Variants in CRYBG1 observed in about 807,000 individuals in gnomAD.
CRYBG1 encodes crystallin beta-gamma domain containing 1.
In CRYBG1, 139 loss-of-function variants were observed where a neutral mutation model predicts 189.2. That is an observed-to-expected ratio of 0.73 (90% CI 0.64 to 0.85). The LOEUF (loss-of-function observed/expected upper bound fraction) is 0.85, where lower values mean the gene tolerates loss of function less well. Among genes scored for constraint, CRYBG1 ranks in the 40% least tolerant of loss-of-function variants. The pLI is 0.00. For synonymous variants in CRYBG1, 1,023 were observed against 1,017.1 expected (o/e 1.01, Z -0.11); for missense variants, 2,611 against 2,675.8 (o/e 0.98, Z 0.53).
intron 1 of CRYBG1, among the ~76,000 whole-genome samples, chr6:106,432,843 T>TC (rs11400144): frequency 0.034 from 5,035 of 146,424 alleles, 289 homozygotes; most frequent in African/African-American, 0.12. Flanking sequence ...TTTCTTTCTT[T>TC]TTTTTTTTTT....
chr6:106,433,755 ATGTG>A (rs1379167772), intron 1 of CRYBG1, among the ~76,000 whole-genome samples: 23,210 of 76,156 alleles, frequency 0.3, 4,026 homozygotes, highest in East Asian at 0.39. Context: ...GTATATATAT[ATGTG>A]TATATATATA....
At chr6:106,561,748 A>G (rs1774726278) in intron 20 of CRYBG1, among the ~76,000 whole-genome samples, 1 of 152,192 alleles carries the variant, frequency 6.6e-6, no homozygotes, top group Non-Finnish European at 1.5e-5. Context: ...TGATTTTTAT[A>G]TAGTAGTAGA....
At chr6:106,361,221 G>A (rs1212181791) in intron 1 of CRYBG1, 140 bp downstream of exon 1, 2 of 1,092,336 alleles carry the variant, frequency 1.8e-6, no homozygotes, top group Admixed American at 6.2e-5. Context: ...GGGTACCCGG[G>A]TCCGGAGGGG....
intron 8 of CRYBG1, among the ~76,000 whole-genome samples, chr6:106,533,347 A>G (rs2883077): frequency 0.68 from 104,144 of 152,180 alleles, 36,391 homozygotes; most frequent in South Asian, 0.84. Flanking sequence ...GATAGGGATA[A>G]GACAGGGCTC....
At chr6:106,417,400 A>G (rs1295382877) in intron 1 of CRYBG1, among the ~76,000 whole-genome samples, 2 of 152,112 alleles carry the variant, frequency 1.3e-5, no homozygotes, top group African/African-American at 4.8e-5. Flanking sequence ...TTTGCACCCT[A>G]CATGCCTCTC....
intron 1 of CRYBG1, among the ~76,000 whole-genome samples, chr6:106,420,961 A>G (rs1771111447): frequency 6.6e-6 from 1 of 152,200 alleles, no homozygotes; most frequent in Non-Finnish European, 1.5e-5. Flanking sequence ...ATGTGCCAAC[A>G]GAGCAGCGAG....
At chr6:106,391,927 ACGTGTGTGTGTGTGTG>A (rs1770512382) in intron 1 of CRYBG1, among the ~76,000 whole-genome samples, 1 of 130,100 alleles carries the variant, frequency 7.7e-6, no homozygotes, top group Admixed American at 7.7e-5. Flanking sequence ...GTTGTTTAAA[ACGTGTGTGTGTGTGTG>A]TGTGTGTGTG....
At position 106,559,649 on chromosome 6, in the gene CRYBG1, G is replaced by T. The variant is rs555169293; in HGVS notation, c.5855+1024G>T. ...AAAATACAAAAATTAGCCAGGTGTGGTGGTGGGGCCCCTGTAATCCCAGCT... is the reference window on the plus strand; with the variant it reads ...AAAATACAAAAATTAGCCAGGTGTGTTGGTGGGGCCCCTGTAATCCCAGCT... On this transcript the variant is annotated intron_variant, in intron 18 of 21. Transcript: ENST00000633556. Among the ~76,000 whole-genome samples, 594 of 152,218 alleles carry T rather than the reference G, an allele frequency of 3.9e-3. 5 individuals carry two copies. The highest frequency in any genetic ancestry group is 0.014 in the African/African-American group (575 of 41,524).
At position 106,564,013 on chromosome 6, in the gene CRYBG1, G is replaced by A. The variant is rs150648659; in HGVS notation, c.6301+87G>A. On this transcript the variant is annotated intron_variant, in intron 21 of 21. Transcript: ENST00000633556. Reference sequence around the variant, plus strand: ...TCTATTCATAACTTTTGAAAATGATGAATGTATTATTAGTAGTAACAGTAA... The same window carrying A: ...TCTATTCATAACTTTTGAAAATGATAAATGTATTATTAGTAGTAACAGTAA... 1.2e-4 allele frequency: 162 copies of A among 1,370,448 alleles called. 1 individual carries two copies. The African/African-American group carries it at 1.5e-3, about 13-fold the overall frequency. 84.9% of individuals were successfully genotyped at this position (1,370,448 alleles called of 1,614,324 possible).
chr6:106,515,971 T>C (rs894273625), intron 3 of CRYBG1, among the ~76,000 whole-genome samples: 3 of 151,556 alleles, frequency 2.0e-5, no homozygotes, highest in Non-Finnish European at 2.9e-5. Flanking sequence ...TTTGTATTTT[T>C]TTAGAGACAG....
chr6:106,564,065 T>C (rs1208133692), intron 21 of CRYBG1, 139 bp downstream of exon 21: 1 of 813,652 alleles, frequency 1.2e-6, no homozygotes, highest in Non-Finnish European at 1.9e-6. Context: ...TGCCAGCTGC[T>C]GTGCTAGCCA....
intron 1 of CRYBG1, among the ~76,000 whole-genome samples, chr6:106,448,060 C>T (rs1771701168): frequency 1.3e-5 from 2 of 152,186 alleles, no homozygotes; most frequent in African/African-American, 4.8e-5. Flanking sequence ...GGAAGTAGAA[C>T]ATGCTCCTGG....
chr6:106,409,463 A>G (rs1432504777), intron 1 of CRYBG1, among the ~76,000 whole-genome samples: 1 of 151,390 alleles, frequency 6.6e-6, no homozygotes, highest in East Asian at 1.9e-4. Context: ...TAATTTATAG[A>G]TTGAATGCTA....
chr6:106,509,318 A>T (rs1773196686), intron 2 of CRYBG1, among the ~76,000 whole-genome samples: 1 of 152,242 alleles, frequency 6.6e-6, no homozygotes, highest in African/African-American at 2.4e-5. Flanking sequence ...TTATGATTTA[A>T]AAATCATGTC....
intron 1 of CRYBG1, among the ~76,000 whole-genome samples, chr6:106,367,550 G>A (rs147484798): frequency 0.011 from 1,443 of 131,904 alleles, 19 homozygotes; most frequent in African/African-American, 0.038. Context: ...TTGTGCCACC[G>A]TACTCCAGCC....
chr6:106,515,715 G>A (rs1252825687), intron 3 of CRYBG1, among the ~76,000 whole-genome samples: 2 of 151,842 alleles, frequency 1.3e-5, no homozygotes, highest in East Asian at 3.9e-4. Flanking sequence ...TGGAGATATT[G>A]GGGAAAGCAA....
intron 1 of CRYBG1, among the ~76,000 whole-genome samples, chr6:106,429,676 C>T (rs1330357832): frequency 6.6e-6 from 1 of 152,180 alleles, no homozygotes; most frequent in Middle Eastern, 3.2e-3. Context: ...AGGTTCAGAT[C>T]CCAGCTCCAC....
chr6:106,391,052 A>C (rs151032001), intron 1 of CRYBG1, among the ~76,000 whole-genome samples: 169 of 152,274 alleles, frequency 1.1e-3, no homozygotes, highest in African/African-American at 3.9e-3. Context: ...GTTAGTGAAG[A>C]GTTCCAGTTG....
At chr6:106,387,739 G>A (rs919684548) in intron 1 of CRYBG1, among the ~76,000 whole-genome samples, 2 of 152,072 alleles carry the variant, frequency 1.3e-5, no homozygotes, top group African/African-American at 4.8e-5. Context: ...TCTATGCTTG[G>A]TATAGTGCAA....
Sources: gnomAD v4.1 joint callset for allele counts (sites outside exome capture counted in the v4.1 genomes callset) on GRCh38, gnomAD v4.1.1 for gene constraint, MANE v1.5 for transcripts, NCBI Gene and HGNC (gene_info 2026-07-23, HGNC 2026-07-21) for gene names.